SEC23IP: variants seen among roughly 807,000 people sequenced by gnomAD.
The protein encoded by SEC23IP is SEC23 interacting protein.
In SEC23IP, 70 loss-of-function variants were observed where a neutral mutation model predicts 113.4. That is an observed-to-expected ratio of 0.62 (90% CI 0.51 to 0.75). SEC23IP has a LOEUF of 0.75. Among genes scored for constraint, SEC23IP ranks in the 30% least tolerant of loss-of-function variants. The pLI is 0.00. For missense variants in SEC23IP, 1,160 were observed against 1,204.9 expected (o/e 0.96, Z 0.55); for synonymous variants, 398 against 421.0 (o/e 0.95, Z 0.67).
intron 12 of SEC23IP, among the ~76,000 whole-genome samples, chr10:119,921,965 G>A (rs1855262796): frequency 1.4e-5 from 1 of 72,140 alleles, no homozygotes; most frequent in South Asian, 4.8e-4. Context: ...GTTAGCTTAA[G>A]GAATTGAGTC....
intron 13 of SEC23IP, among the ~76,000 whole-genome samples, 156 bp downstream of exon 13, chr10:119,926,383 A>G (rs35659548): frequency 0.056 from 8,481 of 152,288 alleles, 439 homozygotes; most frequent in South Asian, 0.27. Context: ...TTCTTCTTCA[A>G]CAGTGCTCAC....
intron 18 of SEC23IP, among the ~76,000 whole-genome samples, chr10:119,937,326 T>A (rs1855825926): frequency 6.6e-6 from 1 of 152,030 alleles, no homozygotes; most frequent in Non-Finnish European, 1.5e-5. Flanking sequence ...GAGCATGTTT[T>A]AAAAATACGT....
At chr10:119,933,214 A>G (rs773886719) in intron 17 of SEC23IP, 47 bp downstream of exon 17, 1 of 1,496,122 alleles carries the variant, frequency 6.7e-7, no homozygotes, top group East Asian at 2.3e-5. Context: ...TTTTGGTGCT[A>G]GCACGTGCAG....
At chr10:119,928,921 G>A (rs2134520394) in intron 13 of SEC23IP, among the ~76,000 whole-genome samples, 1 of 152,344 alleles carries the variant, frequency 6.6e-6, no homozygotes, top group African/African-American at 2.4e-5. Context: ...CTCGTGCTAA[G>A]CACTTTATGT....
chr10:119,937,130 C>G (rs1053553827), intron 18 of SEC23IP, among the ~76,000 whole-genome samples: 2 of 151,856 alleles, frequency 1.3e-5, no homozygotes, highest in Non-Finnish European at 2.9e-5. Flanking sequence ...CCGCCTTGGC[C>G]TCCCAAAGTG....
In SEC23IP at chr10:119,898,288, ACT is replaced by A. The variant is rs1854349171; in HGVS notation, c.164-138_164-137del. On this transcript the variant is annotated intron_variant, in intron 1 of 18. Transcript: ENST00000369075. ...AAGTTTTCAAAGAAAAAAAGAAAAA[ACT>A]GTTTTTTTCTGTAATGCAGAAATAG... 3 of 1,311,098 alleles carry A rather than the reference ACT, an allele frequency of 2.3e-6. No homozygotes were observed. The South Asian group carries it at 7.3e-5, about 32-fold the overall frequency. 81.2% of individuals were successfully genotyped at this position (1,311,098 alleles called of 1,614,324 possible). A position where few individuals can be genotyped will look rare whatever the true frequency, so the allele number is the denominator to read the frequency against.
At chr10:119,912,476 T>C (rs1003671954) in intron 6 of SEC23IP, among the ~76,000 whole-genome samples, 4 of 152,152 alleles carry the variant, frequency 2.6e-5, no homozygotes, top group Admixed American at 6.6e-5. Flanking sequence ...CTTTATTTTT[T>C]AATTGATACA....
intron 18 of SEC23IP, among the ~76,000 whole-genome samples, chr10:119,939,355 A>C (rs1404847106): frequency 6.6e-6 from 1 of 152,118 alleles, no homozygotes; most frequent in East Asian, 1.9e-4. Flanking sequence ...AAAAAGCCTC[A>C]AATTAACATG....
At chr10:119,925,593 G>A (rs1048819029) in intron 12 of SEC23IP, among the ~76,000 whole-genome samples, 1 of 152,008 alleles carries the variant, frequency 6.6e-6, no homozygotes, top group South Asian at 2.1e-4. Context: ...CCAGGGTGGA[G>A]TGCAGTGGTA....
Position 119,933,045 on chromosome 10 carries a change from G to A in SEC23IP, c.2799G>A (p.Glu933=), listed in dbSNP as rs746961757. 2 of 1,613,944 alleles carry A rather than the reference G, an allele frequency of 1.2e-6. No individual in the cohort carries two copies. Among genetic ancestry groups the A allele is most frequent in the South Asian group, 1.1e-5 (1 of 91,078 alleles). Residue 933 remains glutamate (E), a synonymous_variant, in exon 17 of 19, where the codon GAG becomes GAA. Coordinates refer to ENST00000369075, the MANE Select transcript of SEC23IP (RefSeq NM_007190.4). ...AAAGTCCAGATTTTTCCAAGGATGA[G>A]GACTACTTAGGAAAGGTTGGAATGT... ...VVESPDFSKD[E]DYLGKVGMLN...
In SEC23IP at chr10:119,933,118, G is replaced by C; in HGVS notation, c.2872G>C (p.Glu958Gln). The C allele has an allele frequency of 6.2e-7, 1 of 1,614,042 alleles. No individual in the cohort carries two copies. Among genetic ancestry groups the C allele is most frequent in the Non-Finnish European group, 8.5e-7 (1 of 1,179,900 alleles). ...IDYVLQEKPI[E>Q]SFNEYLFALQ... ...CTACGTTCTCCAAGAAAAACCAATA[G>C]AGAGTTTTAATGAATACCTTTTCGC... Residue 958 changes from glutamate to glutamine, a missense_variant, in exon 17 of 19, where the codon GAG becomes CAG. Transcript: ENST00000369075.
chr10:119,897,438 T>G (rs139341742), intron 1 of SEC23IP, among the ~76,000 whole-genome samples: 109 of 152,298 alleles, frequency 7.2e-4, no homozygotes, highest in African/African-American at 2.5e-3. Flanking sequence ...GAAAGTGACC[T>G]TCTCAGCAAT....
At chr10:119,921,126 C>T (rs1441656829) in intron 12 of SEC23IP, 142 bp downstream of exon 12, 1 of 545,494 alleles carries the variant, frequency 1.8e-6, no homozygotes, top group Non-Finnish European at 3.2e-6. Flanking sequence ...CTGATGGAAA[C>T]CCAGACTTAG....
At chr10:119,899,984 C>A (rs1033754960) in intron 2 of SEC23IP, among the ~76,000 whole-genome samples, 1 of 151,716 alleles carries the variant, frequency 6.6e-6, no homozygotes, top group African/African-American at 2.4e-5. Flanking sequence ...CTTCCCCCAT[C>A]CCTTTCTCCT....
rs1448692261 is a variant in SEC23IP, at chr10:119,909,104, G to A, written c.1165G>A (p.Glu389Lys). The change falls in exon 5 of 19, where the codon GAG becomes AAG. Residue 389 changes from glutamate (E) to lysine (K), a missense_variant. By Grantham distance (56) the Glu-to-Lys change is moderately conservative. Transcript: ENST00000369075. ...CCGAAGATTAGAGTTTCCAAGTGGA[G>A]AGACAATTGTTATGCACAATCCAAA... Reference protein sequence around the residue: ...WHRRLEFPSGETIVMHNPKVI... With the variant: ...WHRRLEFPSGKTIVMHNPKVI... The A allele has an allele frequency of 6.2e-7, 1 of 1,612,646 alleles. No individual in the cohort carries two copies. The highest frequency in any genetic ancestry group is 1.3e-5 in the African/African-American group (1 of 74,986).
intron 18 of SEC23IP, among the ~76,000 whole-genome samples, chr10:119,938,913 TAAC>T (rs1229101349): frequency 6.6e-6 from 1 of 152,242 alleles, no homozygotes; most frequent in African/African-American, 2.4e-5. Flanking sequence ...TTTAAAATGT[TAAC>T]AATTATTCTA....
Position 119,898,418 on chromosome 10 carries a change from C to G in SEC23IP, c.164-9C>G. 1 of 1,604,490 alleles carries G rather than the reference C, an allele frequency of 6.2e-7. No individual in the cohort carries two copies. The highest frequency in any genetic ancestry group is 8.5e-7 in the Non-Finnish European group (1 of 1,174,708). On this transcript the variant is annotated splice_polypyrimidine_tract_variant and intron_variant, in intron 1 of 18. Transcript: ENST00000369075. The stretch of plus-strand genomic sequence containing the variant: ...CCTTTAAACCACATGCTCTCCTGTT[C>G]CATTTCAGAGGATTCCACAGATGTT...
intron 4 of SEC23IP, among the ~76,000 whole-genome samples, chr10:119,907,465 A>G (rs1854712688): frequency 6.6e-6 from 1 of 152,212 alleles, no homozygotes; most frequent in Admixed American, 6.5e-5. Flanking sequence ...TTAAAAAAAT[A>G]AATGAACAAA....
intron 2 of SEC23IP, among the ~76,000 whole-genome samples, chr10:119,900,942 C>T (rs1255392681): frequency 1.4e-5 from 2 of 143,862 alleles, no homozygotes; most frequent in Non-Finnish European, 3.0e-5. Context: ...TTTCTATAAT[C>T]TATTTTTTTT....
Sources: allele counts gnomAD v4.1 joint callset (sites outside exome capture counted in the v4.1 genomes callset), GRCh38; gene constraint gnomAD v4.1.1; transcripts MANE v1.5; gene names NCBI Gene and HGNC (gene_info 2026-07-23, HGNC 2026-07-21).